Variants in UBR4 observed in about 807,000 individuals in gnomAD.
The protein encoded by UBR4 is E3 ubiquitin-protein ligase UBR4.
Under a neutral mutation model 575.6 loss-of-function variants are expected in UBR4, and 124 were observed. That is an observed-to-expected ratio of 0.22 (90% confidence interval 0.19 to 0.25). UBR4 has a LOEUF of 0.25. Among genes scored for constraint, UBR4 ranks in the 10% least tolerant of loss-of-function variants. The probability of loss-of-function intolerance (pLI) is 1.00; values close to 1 mark genes in which losing one functional copy is unlikely to be tolerated. For synonymous variants in UBR4, 2,455 were observed against 2,473.7 expected (o/e 0.99, Z 0.22); for missense variants, 4,818 against 6,478.8 (o/e 0.74, Z 8.80).
At chr1:19,137,298 GAAA>G (rs11348910) in intron 60 of UBR4, among the ~76,000 whole-genome samples, 1 of 123,490 alleles carries the variant, frequency 8.1e-6, no homozygotes, top group African/African-American at 3.0e-5. Flanking sequence ...AGACAGTCTC[GAAA>G]AAAAAAAAAA....
chr1:19,099,417 A>G (rs1360573273), intron 90 of UBR4, among the ~76,000 whole-genome samples, 180 bp downstream of exon 90: 1 of 152,178 alleles, frequency 6.6e-6, no homozygotes, highest in Admixed American at 6.5e-5. Flanking sequence ...TCCATTAGTC[A>G]GATGCCTCCA....
At chr1:19,185,418 C>T in intron 14 of UBR4, 132 bp from the exon 15 acceptor site, 2 of 867,074 alleles carry the variant, frequency 2.3e-6, no homozygotes, top group South Asian at 4.4e-5. Context: ...TACAAGATTG[C>T]ATTTGTGTAT....
intron 1 of UBR4, among the ~76,000 whole-genome samples, chr1:19,204,883 A>G (rs1558038445): frequency 6.6e-6 from 1 of 152,212 alleles, no homozygotes; most frequent in Non-Finnish European, 1.5e-5. Flanking sequence ...ATAATTTCCA[A>G]CCTCACCCTC....
At chr1:19,091,241 T>C (rs1392503622) in intron 97 of UBR4, among the ~76,000 whole-genome samples, 1 of 152,180 alleles carries the variant, frequency 6.6e-6, no homozygotes, top group Non-Finnish European at 1.5e-5. Context: ...AAACAATACA[T>C]GTGAAATTCC....
intron 26 of UBR4, among the ~76,000 whole-genome samples, chr1:19,169,876 G>A (rs77464812): frequency 0.019 from 2,826 of 152,248 alleles, 84 homozygotes; most frequent in East Asian, 0.081. Context: ...CTATAAATAG[G>A]TATCACTTTT....
Position 19,169,444 on chromosome 1 carries a change from A to G in UBR4, c.3732T>C (p.Ile1244=). 2 of 1,613,504 alleles carry G rather than the reference A, an allele frequency of 1.2e-6. No homozygotes were observed. Among genetic ancestry groups the G allele is most frequent in the Non-Finnish European group, 8.5e-7 (1 of 1,179,730 alleles). Residue 1244 remains isoleucine (I), a synonymous_variant, in exon 27 of 106, where the codon ATT becomes ATC. Coordinates refer to ENST00000375254, the MANE Select transcript of UBR4 (RefSeq NM_020765.3). ...ACAGATAGGGACTCACCCAGGATCC[A>G]ATATTGGGAAATTCATTGGTATTGA... The part of the protein sequence containing the change: ...NNINTNEFPN[I]GSWRNAFAND...
chr1:19,183,951 C>G (rs987680111), intron 16 of UBR4, 55 bp from the exon 17 acceptor site: 1 of 1,613,716 alleles, frequency 6.2e-7, no homozygotes, highest in African/African-American at 1.3e-5. Flanking sequence ...TGCACCACAC[C>G]TCCCTGCCAA....
chr1:19,167,821 A>C (rs2088773842), intron 28 of UBR4, among the ~76,000 whole-genome samples: 1 of 152,232 alleles, frequency 6.6e-6, no homozygotes, highest in African/African-American at 2.4e-5. Context: ...AAAATACTAC[A>C]CAAAGGAGGA....
chr1:19,123,021 C>G lies in UBR4; in HGVS notation c.9628G>C (p.Val3210Leu), dbSNP rs1330844710. The G allele has an allele frequency of 6.2e-7, 1 of 1,614,208 alleles. No individual in the cohort carries two copies. Among genetic ancestry groups the G allele is most frequent in the Non-Finnish European group, 8.5e-7 (1 of 1,180,032 alleles). The stretch of plus-strand genomic sequence containing the variant: ...CAGATGAAGAGCAGAAGTTTGCGGA[C>G]TTGACGGCGCACAAATGGAGTCTGC... ...IQQTPFVRRQ[V>L]RKLLLFICGS... The change falls in exon 66 of 106, where the codon GTC becomes CTC. Residue 3210 changes from valine (V) to leucine (L), a missense_variant. Val to Leu is a conservative substitution (Grantham distance 32). This residue lies in a region of UBR4 where 550 missense variants were observed against 791.5 expected (regional missense o/e 0.69). Coordinates refer to ENST00000375254, the MANE Select transcript of UBR4 (RefSeq NM_020765.3).
At chr1:19,102,359 C>T (rs1435034720) in intron 87 of UBR4, among the ~76,000 whole-genome samples, 1 of 148,466 alleles carries the variant, frequency 6.7e-6, no homozygotes, top group Non-Finnish European at 1.5e-5. Context: ...AGTGAAACTT[C>T]GGGAAAAAAA....
Position 19,155,089 on chromosome 1 carries a change from GAC to G in UBR4, c.6301-16_6301-15del. On this transcript the variant is annotated splice_polypyrimidine_tract_variant and intron_variant, in intron 43 of 105. Transcript: ENST00000375254. The stretch of plus-strand genomic sequence containing the variant: ...GCTGTTACTGTCCTGCTGGCACAAA[GAC>G]ACATATTTGCAGTAATTCATGTTGC... 1 of 1,613,022 alleles carries G rather than the reference GAC, an allele frequency of 6.2e-7. No individual in the cohort carries two copies. Among genetic ancestry groups the G allele is most frequent in the Non-Finnish European group, 8.5e-7 (1 of 1,179,616 alleles).
intron 55 of UBR4, among the ~76,000 whole-genome samples, chr1:19,142,537 G>A: frequency 6.6e-6 from 1 of 152,198 alleles, no homozygotes; most frequent in East Asian, 1.9e-4. Flanking sequence ...CAAGATAAAT[G>A]ATATGCAAGG....
intron 17 of UBR4, 134 bp downstream of exon 17, chr1:19,183,677 G>C: frequency 1.2e-6 from 1 of 849,864 alleles, no homozygotes; most frequent in East Asian, 2.9e-5. Flanking sequence ...AGCCAAGACC[G>C]TGTCACTGCA....
intron 60 of UBR4, among the ~76,000 whole-genome samples, chr1:19,131,251 A>T (rs1377590584): frequency 2.9e-5 from 4 of 137,156 alleles, no homozygotes; most frequent in South Asian, 2.4e-4. Flanking sequence ...CTTAAAAAAA[A>T]AAAAAAAAAA....
rs1017576220 is a variant in UBR4 at position 19,110,881 on chromosome 1, A to G, written c.11802-49T>C. ...GTCCTATAATTCACAATCAGGTGTGACACTCCTTTCCACCTGAAGGGGCCC... is the reference window on the plus strand; with the variant it reads ...GTCCTATAATTCACAATCAGGTGTGGCACTCCTTTCCACCTGAAGGGGCCC... On this transcript the variant is annotated intron_variant, in intron 78 of 105. Coordinates refer to ENST00000375254, the MANE Select transcript of UBR4 (RefSeq NM_020765.3). The surrounding 1 kb of genome is among the most constrained non-coding windows in gnomAD (Gnocchi z 4.5). 8.3e-6 allele frequency: 13 copies of G among 1,570,736 alleles called. No individual in the cohort carries two copies. The highest frequency in any genetic ancestry group is 1.7e-4 in the Middle Eastern group (1 of 5,938).
At chr1:19,174,695 T>C (rs2090030139) in intron 21 of UBR4, among the ~76,000 whole-genome samples, 2 of 152,208 alleles carry the variant, frequency 1.3e-5, no homozygotes, top group Admixed American at 1.3e-4. Context: ...AATACTTGCA[T>C]GTGAAAAATG....
chr1:19,153,065 T>A lies in UBR4; in HGVS notation c.6832+236A>T, dbSNP rs1369046670. Among the ~76,000 whole-genome samples the A allele has an allele frequency of 6.6e-6, 1 of 152,176 alleles. No individual in the cohort carries two copies. Among genetic ancestry groups the A allele is most frequent in the African/African-American group, 2.4e-5 (1 of 41,450 alleles). ...AACCTAGAGAGAACAATCTCTCAAA[T>A]AAGGTCCAGGACATAACTCGTTACT... On this transcript the variant is annotated intron_variant, in intron 46 of 105. Transcript: ENST00000375254. The surrounding 1 kb of genome is among the most constrained non-coding windows in gnomAD (Gnocchi z 4.1).
At position 19,164,310 on chromosome 1, in the gene UBR4, C is replaced by G. The variant is rs201007182; in HGVS notation, c.4643G>C (p.Gly1548Ala). 113 of 1,614,132 alleles carry G rather than the reference C, an allele frequency of 7.0e-5. No individual in the cohort carries two copies. The highest frequency in any genetic ancestry group is 9.2e-5 in the Non-Finnish European group (108 of 1,180,060). The change falls in exon 33 of 106, where the codon GGT becomes GCT. Residue 1548 changes from glycine (G) to alanine (A), a missense_variant. Physicochemically the swap from Gly to Ala is moderately conservative, Grantham distance 60. This residue lies in a region of UBR4 where 1,172 missense variants were observed against 1,259.7 expected (regional missense o/e 0.93). Transcript: ENST00000375254. ...AAGCTGAAGGTGACCAGCACCTTGA[C>G]CTGCACTGGCCAGAGTGGCCATCAC... ...MVVMATLASA[G>A]QGAGHLQLHN...
chr1:19,160,647 T>C (rs1158416314), intron 38 of UBR4, among the ~76,000 whole-genome samples: 5 of 152,174 alleles, frequency 3.3e-5, no homozygotes, highest in African/African-American at 1.2e-4. Flanking sequence ...TTTTCTGTGT[T>C]TCAGATAAGG....
Sources: gnomAD v4.1 joint callset for allele counts (sites outside exome capture counted in the v4.1 genomes callset) on GRCh38, gnomAD v4.1.1 for gene constraint, gnomAD v4.1.1 regional missense constraint, Gnocchi (gnomAD v3.1) non-coding constraint, MANE v1.5 for transcripts, NCBI Gene and HGNC (gene_info 2026-07-23, HGNC 2026-07-21) for gene names.